The following SLC24A2 variants were observed in gnomAD, a reference collection of about 807,000 sequenced individuals.
SLC24A2 encodes solute carrier family 24 member 2, also known as sodium/potassium/calcium exchanger 2.
SLC24A2 carries 36 observed loss-of-function variants against 62.0 expected under a neutral mutation model. That is an observed-to-expected ratio of 0.58 (90% CI 0.44 to 0.77). The LOEUF (loss-of-function observed/expected upper bound fraction) is 0.77, where lower values mean the gene tolerates loss of function less well. Ranked by LOEUF, SLC24A2 falls within the 30% of genes least tolerant of loss-of-function variation. SLC24A2 has a pLI of 0.00. For synonymous variants in SLC24A2, 358 were observed against 294.0 expected (o/e 1.22, Z -2.23); for missense variants, 846 against 817.9 (o/e 1.03, Z -0.42).
At chr9:19,975,690 C>T in the SLC24A2 span, among the ~76,000 whole-genome samples, 1 of 152,036 alleles carries the variant, frequency 6.6e-6, no homozygotes, top group Admixed American at 6.6e-5. Flanking sequence ...TGCTTTATCT[C>T]TAAATCTGGT....
At chr9:19,962,221 A>G in the SLC24A2 span, among the ~76,000 whole-genome samples, 2 of 152,074 alleles carry the variant, frequency 1.3e-5, no homozygotes, top group Admixed American at 6.6e-5. Flanking sequence ...CCATTGATCT[A>G]TATCTCTGTT....
the SLC24A2 span, among the ~76,000 whole-genome samples, chr9:20,153,969 T>C: frequency 4.6e-5 from 7 of 152,052 alleles, no homozygotes; most frequent in South Asian, 1.5e-3. Context: ...ATTAAGCAGC[T>C]CTTTGCAGAT....
the SLC24A2 span, among the ~76,000 whole-genome samples, chr9:20,271,554 T>C: frequency 6.6e-6 from 1 of 152,230 alleles, no homozygotes. Context: ...GAAGGCTCTC[T>C]CACTCACAGC....
At chr9:19,761,561 C>T (rs556320139) in intron 2 of SLC24A2, among the ~76,000 whole-genome samples, 1 of 151,810 alleles carries the variant, frequency 6.6e-6, no homozygotes, top group South Asian at 2.1e-4. Context: ...ATACATGTGC[C>T]ATGTTGGTGT....
chr9:19,875,744 A>C, the SLC24A2 span, among the ~76,000 whole-genome samples: 5 of 152,214 alleles, frequency 3.3e-5, no homozygotes, highest in East Asian at 9.6e-4. Flanking sequence ...TGCATATTGA[A>C]AGGAATGATG....
intron 8 of SLC24A2, 21 bp from the exon 9 acceptor site, chr9:19,528,159 G>C: frequency 6.7e-7 from 1 of 1,481,752 alleles, no homozygotes; most frequent in Non-Finnish European, 9.3e-7. Flanking sequence ...ACCAGGAAGA[G>C]TTGAGAATAT....
At chr9:20,046,246 G>T in the SLC24A2 span, among the ~76,000 whole-genome samples, 2 of 152,192 alleles carry the variant, frequency 1.3e-5, no homozygotes, top group Non-Finnish European at 2.9e-5. Flanking sequence ...CAACACAGAG[G>T]CTTGTCAGCA....
the SLC24A2 span, among the ~76,000 whole-genome samples, chr9:20,058,780 C>A: frequency 6.6e-6 from 1 of 152,218 alleles, no homozygotes; most frequent in Non-Finnish European, 1.5e-5. Context: ...AAAACACATA[C>A]ACATGCATAC....
At chr9:20,136,226 C>G in the SLC24A2 span, among the ~76,000 whole-genome samples, 1 of 152,224 alleles carries the variant, frequency 6.6e-6, no homozygotes, top group Non-Finnish European at 1.5e-5. Context: ...CTAGATAAAG[C>G]TAGAAAACAT....
intron 3 of SLC24A2, 126 bp downstream of exon 3, chr9:19,622,135 T>C (rs1817922538): frequency 2.6e-6 from 2 of 770,946 alleles, no homozygotes; most frequent in African/African-American, 3.4e-5. Flanking sequence ...CATCAGGGGT[T>C]AGATTATTTA....
chr9:19,535,028 C>T (rs1426246592), intron 8 of SLC24A2, among the ~76,000 whole-genome samples: 1 of 152,120 alleles, frequency 6.6e-6, no homozygotes, highest in African/African-American at 2.4e-5. Flanking sequence ...CTGTTGTTTC[C>T]TGACTTTTTA....
the SLC24A2 span, among the ~76,000 whole-genome samples, chr9:20,268,411 T>C: frequency 6.6e-6 from 1 of 152,190 alleles, no homozygotes; most frequent in Non-Finnish European, 1.5e-5. Context: ...GGCTCTGTCC[T>C]TGTGAATGGA....
intron 2 of SLC24A2, among the ~76,000 whole-genome samples, chr9:19,750,444 G>A (rs1821949947): frequency 6.6e-6 from 1 of 151,976 alleles, no homozygotes; most frequent in African/African-American, 2.4e-5. Context: ...AAGTCTCCAA[G>A]TCATCTCCAA....
the SLC24A2 span, among the ~76,000 whole-genome samples, chr9:20,111,542 T>A: frequency 6.6e-6 from 1 of 152,196 alleles, no homozygotes. Context: ...GGGCCCTAAC[T>A]GATACAAAAG....
At chr9:20,127,832 T>C in the SLC24A2 span, among the ~76,000 whole-genome samples, 1 of 152,156 alleles carries the variant, frequency 6.6e-6, no homozygotes, top group East Asian at 1.9e-4. Context: ...CTAGCATTTT[T>C]AGTCTTGTGG....
the SLC24A2 span, among the ~76,000 whole-genome samples, chr9:20,033,549 T>C: frequency 3.9e-5 from 6 of 152,332 alleles, no homozygotes; most frequent in African/African-American, 1.4e-4. Context: ...GGATTCTTAT[T>C]ACAGAGTGTG....
intron 2 of SLC24A2, among the ~76,000 whole-genome samples, chr9:19,775,363 G>C (rs1465281635): frequency 1.3e-5 from 2 of 152,180 alleles, no homozygotes; most frequent in Non-Finnish European, 2.9e-5. Flanking sequence ...AGAATGACTG[G>C]AGGCTCAGCA....
intron 2 of SLC24A2, among the ~76,000 whole-genome samples, chr9:19,720,882 T>TGC (rs1821007206): frequency 6.9e-6 from 1 of 144,390 alleles, no homozygotes; most frequent in Non-Finnish European, 1.5e-5. Flanking sequence ...TGTGTGTGTG[T>TGC]TGTATCTCTA....
chr9:19,607,968 A>G (rs1046958427), intron 4 of SLC24A2, among the ~76,000 whole-genome samples: 6 of 152,212 alleles, frequency 3.9e-5, no homozygotes, highest in African/African-American at 1.4e-4. Flanking sequence ...ATGCTTTACT[A>G]TTCCCTAAAG....
Sources: allele counts gnomAD v4.1 joint callset (sites outside exome capture counted in the v4.1 genomes callset), GRCh38; gene constraint gnomAD v4.1.1; transcripts MANE v1.5; gene names NCBI Gene and HGNC (gene_info 2026-07-23, HGNC 2026-07-21).